The following CHST11 variants were observed in gnomAD, a reference collection of about 807,000 sequenced individuals.
CHST11 encodes the protein C4S-1.
In CHST11, 9 loss-of-function variants were observed where a neutral mutation model predicts 30.4. The ratio of observed to expected loss-of-function variants is 0.30; its 90% CI spans 0.18 to 0.52. The LOEUF is 0.52. Ranked by LOEUF, CHST11 falls within the 20% of genes least tolerant of loss-of-function variation. The pLI is 0.97. For synonymous variants in CHST11, 152 were observed against 187.8 expected (o/e 0.81, Z 1.56); for missense variants, 348 against 460.6 (o/e 0.76, Z 2.24).
At chr12:104,549,588 C>T (rs903717221) in intron 1 of CHST11, among the ~76,000 whole-genome samples, 1 of 152,038 alleles carries the variant, frequency 6.6e-6, no homozygotes, top group African/African-American at 2.4e-5. Flanking sequence ...GGGAAGAAAT[C>T]GATGTAAGGA....
intron 1 of CHST11, among the ~76,000 whole-genome samples, chr12:104,558,505 T>A (rs1219513895): frequency 1.3e-5 from 2 of 151,548 alleles, no homozygotes; most frequent in African/African-American, 2.4e-5. Flanking sequence ...TTAATTCTGT[T>A]GACTATTGTC....
chr12:104,527,870 G>T (rs867956653), intron 1 of CHST11, among the ~76,000 whole-genome samples: 2 of 152,166 alleles, frequency 1.3e-5, no homozygotes, highest in Admixed American at 6.5e-5. Context: ...AGCAAGGCAC[G>T]TCTTACATGG....
intron 2 of CHST11, among the ~76,000 whole-genome samples, chr12:104,688,921 G>A (rs1019547644): frequency 5.3e-5 from 8 of 152,200 alleles, no homozygotes; most frequent in African/African-American, 1.9e-4. Context: ...AGGAGTTCGA[G>A]ACCAGCCTGG....
chr12:104,668,699 G>A (rs1036901383), intron 2 of CHST11, among the ~76,000 whole-genome samples: 2 of 152,156 alleles, frequency 1.3e-5, no homozygotes, highest in Non-Finnish European at 1.5e-5. Flanking sequence ...CAGTCTGTCC[G>A]ATGGCAGCAA....
intron 2 of CHST11, among the ~76,000 whole-genome samples, chr12:104,684,240 G>C (rs1290555644): frequency 2.6e-5 from 4 of 151,912 alleles, no homozygotes; most frequent in African/African-American, 9.7e-5. Flanking sequence ...AGAATAAATA[G>C]GAATTGGTAC....
intron 1 of CHST11, among the ~76,000 whole-genome samples, chr12:104,594,966 T>A (rs2038893910): frequency 6.6e-6 from 1 of 151,976 alleles, no homozygotes; most frequent in Non-Finnish European, 1.5e-5. Context: ...AAAAATAAAA[T>A]AAAGTAAAAA....
intron 1 of CHST11, among the ~76,000 whole-genome samples, chr12:104,525,337 C>CT (rs1019703962): frequency 1.3e-5 from 2 of 152,118 alleles, no homozygotes; most frequent in African/African-American, 4.8e-5. Context: ...TTCAGAATTA[C>CT]TTTTTGAACC....
intron 1 of CHST11, among the ~76,000 whole-genome samples, chr12:104,550,943 A>C (rs192904893): frequency 6.6e-6 from 1 of 152,242 alleles, no homozygotes; most frequent in African/African-American, 2.4e-5. Context: ...ACTTCACTAA[A>C]TCCTCACGTC....
chr12:104,718,216 GACAGCTGTGGT>G (rs2040146683), intron 2 of CHST11, among the ~76,000 whole-genome samples: 1 of 152,196 alleles, frequency 6.6e-6, no homozygotes, highest in Non-Finnish European at 1.5e-5. Context: ...TGACAGATGA[GACAGCTGTGGT>G]ACAGAGGGGT....
rs2136080171 is a variant in CHST11, at chr12:104,648,347, A to AC, written c.204+46356_204+46357insC. On this transcript the variant is annotated intron_variant, in intron 2 of 2. Coordinates refer to ENST00000303694, the MANE Select transcript of CHST11 (RefSeq NM_018413.6). ...TTTCAAAGTTACAACTTAGGAGCAGAGTCATTTTGGGGCCATACCCAAAGC... is the reference window on the plus strand; with the variant it reads ...TTTCAAAGTTACAACTTAGGAGCAGACGTCATTTTGGGGCCATACCCAAAGC... Among the ~76,000 whole-genome samples the AC allele has an allele frequency of 1.3e-5, 2 of 152,338 alleles. 1 individual carries two copies. The highest frequency in any genetic ancestry group is 4.1e-4 in the South Asian group (2 of 4,826).
intron 1 of CHST11, among the ~76,000 whole-genome samples, chr12:104,521,332 G>C (rs1328439566): frequency 6.6e-6 from 1 of 152,174 alleles, no homozygotes; most frequent in African/African-American, 2.4e-5. Flanking sequence ...CATGCAGGTT[G>C]GTTTTTCTCC....
chr12:104,523,932 G>T (rs1235416022), intron 1 of CHST11, among the ~76,000 whole-genome samples: 1 of 152,100 alleles, frequency 6.6e-6, no homozygotes, highest in Non-Finnish European at 1.5e-5. Context: ...CTTGTCTTTA[G>T]AAGTCCCTAT....
chr12:104,680,780 G>T (rs1037573697), intron 2 of CHST11, among the ~76,000 whole-genome samples: 14 of 152,144 alleles, frequency 9.2e-5, no homozygotes, highest in Non-Finnish European at 1.9e-4. Context: ...GGGTTCTCAC[G>T]TGCAAGCAAA....
chr12:104,587,710 T>A (rs573127177), intron 1 of CHST11, among the ~76,000 whole-genome samples: 1 of 152,296 alleles, frequency 6.6e-6, no homozygotes, highest in African/African-American at 2.4e-5. Context: ...AGTATTTACA[T>A]AATAGAAATC....
At chr12:104,704,778 T>C (rs982203765) in intron 2 of CHST11, among the ~76,000 whole-genome samples, 3 of 152,086 alleles carry the variant, frequency 2.0e-5, no homozygotes, top group Non-Finnish European at 4.4e-5. Flanking sequence ...CTCAGATGCC[T>C]GGCTCATTTG....
chr12:104,661,412 A>G (rs966311641), intron 2 of CHST11, among the ~76,000 whole-genome samples: 2 of 152,018 alleles, frequency 1.3e-5, no homozygotes, highest in African/African-American at 4.8e-5. Flanking sequence ...TACTAATAAT[A>G]ATAATACAAA....
intron 1 of CHST11, among the ~76,000 whole-genome samples, chr12:104,465,091 G>T (rs1425198492): frequency 6.6e-6 from 1 of 152,192 alleles, no homozygotes; most frequent in African/African-American, 2.4e-5. Context: ...GATGCCTTCT[G>T]AGGCCACCTC....
intron 2 of CHST11, among the ~76,000 whole-genome samples, chr12:104,706,720 C>T (rs1013584564): frequency 1.7e-4 from 26 of 152,188 alleles, no homozygotes; most frequent in African/African-American, 4.8e-4. Flanking sequence ...GGCCTCTCCC[C>T]TTCATTCCTG....
At chr12:104,618,687 A>G (rs961558642) in intron 2 of CHST11, among the ~76,000 whole-genome samples, 2 of 152,186 alleles carry the variant, frequency 1.3e-5, no homozygotes, top group Admixed American at 6.5e-5. Context: ...ACTCCCTCAC[A>G]TTCAGACAGC....
Sources: allele counts gnomAD v4.1 joint callset (sites outside exome capture counted in the v4.1 genomes callset), GRCh38; gene constraint gnomAD v4.1.1; transcripts MANE v1.5; gene names NCBI Gene and HGNC (gene_info 2026-07-23, HGNC 2026-07-21).